Variants in EPHA6 observed in about 807,000 individuals in gnomAD.
EPHA6 encodes the protein EPH receptor A6, also known as ephrin type-A receptor 6.
In EPHA6, 50 loss-of-function variants were observed where a neutral mutation model predicts 112.0. The ratio of observed to expected loss-of-function variants is 0.45; its 90% CI spans 0.36 to 0.56. EPHA6 has a LOEUF of 0.56. Ranked by LOEUF, EPHA6 falls within the 20% of genes least tolerant of loss-of-function variation. EPHA6 has a pLI of 0.00. For missense variants in EPHA6, 1,280 were observed against 1,417.4 expected, an observed-to-expected ratio of 0.90 and a Z score of 1.56; for synonymous variants, 529 against 490.7, an observed-to-expected ratio of 1.08 and a Z score of -1.03.
chr3:97,534,334 C>T (rs1168888553), intron 11 of EPHA6, among the ~76,000 whole-genome samples: 1 of 152,012 alleles, frequency 6.6e-6, no homozygotes, highest in Non-Finnish European at 1.5e-5. Context: ...TCATTATCTA[C>T]ATTTTATGTA....
At chr3:97,080,314 A>C (rs1428752270) in intron 3 of EPHA6, among the ~76,000 whole-genome samples, 4 of 152,064 alleles carry the variant, frequency 2.6e-5, no homozygotes, top group Non-Finnish European at 5.9e-5. Context: ...GGAGGGAGTT[A>C]ATGGCAGGAT....
intron 11 of EPHA6, among the ~76,000 whole-genome samples, chr3:97,566,659 C>T (rs911157376): frequency 6.6e-6 from 1 of 152,142 alleles, no homozygotes; most frequent in African/African-American, 2.4e-5. Flanking sequence ...TGTTTTGGCT[C>T]TTGTCACTCA....
intron 3 of EPHA6, among the ~76,000 whole-genome samples, chr3:97,058,412 C>T (rs2045918573): frequency 1.3e-5 from 2 of 152,098 alleles, no homozygotes; most frequent in Admixed American, 6.6e-5. Flanking sequence ...ATTCTCCTGC[C>T]TCAGACTCTC....
At chr3:96,895,286 A>G (rs967558706) in intron 2 of EPHA6, among the ~76,000 whole-genome samples, 1 of 152,320 alleles carries the variant, frequency 6.6e-6, no homozygotes, top group Middle Eastern at 3.4e-3. Context: ...AAAAAAATAA[A>G]AAATAATAAA....
intron 5 of EPHA6, among the ~76,000 whole-genome samples, chr3:97,273,561 G>A (rs2079964744): frequency 6.6e-6 from 1 of 152,164 alleles, no homozygotes; most frequent in Non-Finnish European, 1.5e-5. Context: ...ATTCTGAGAA[G>A]GGAAAGTGGT....
At chr3:97,142,355 G>A (rs879485454) in intron 3 of EPHA6, among the ~76,000 whole-genome samples, 6 of 151,930 alleles carry the variant, frequency 3.9e-5, no homozygotes, top group Admixed American at 3.9e-4. Context: ...AGCACTGGCA[G>A]CAAGCTGTGC....
At chr3:97,252,673 G>A (rs2079177489) in intron 5 of EPHA6, among the ~76,000 whole-genome samples, 1 of 152,118 alleles carries the variant, frequency 6.6e-6, no homozygotes, top group Non-Finnish European at 1.5e-5. Context: ...CAGGGAGAAC[G>A]CATCCTGTGG....
chr3:97,188,084 G>T (rs1015925644), intron 3 of EPHA6, among the ~76,000 whole-genome samples: 5 of 152,074 alleles, frequency 3.3e-5, no homozygotes, highest in Non-Finnish European at 4.4e-5. Flanking sequence ...GTTTAGTAAA[G>T]CTGTGGAGTT....
intron 3 of EPHA6, among the ~76,000 whole-genome samples, chr3:97,076,120 T>G (rs6786234): frequency 0.041 from 6,222 of 152,098 alleles, 450 homozygotes; most frequent in African/African-American, 0.14. Flanking sequence ...TCTCTCACTT[T>G]AAATAAAAAG....
chr3:97,532,847 CAG>C (rs1705296871), intron 11 of EPHA6, among the ~76,000 whole-genome samples: 1 of 151,896 alleles, frequency 6.6e-6, no homozygotes, highest in Admixed American at 6.6e-5. Context: ...TCAATAGTAA[CAG>C]AACAAACACT....
chr3:97,701,344 C>T (rs2033375985), intron 14 of EPHA6, among the ~76,000 whole-genome samples: 1 of 152,058 alleles, frequency 6.6e-6, no homozygotes, highest in South Asian at 2.1e-4. Context: ...TAAGAAAGAG[C>T]TCAGTATTGG....
At chr3:97,436,703 T>C (rs1053222420) in intron 6 of EPHA6, among the ~76,000 whole-genome samples, 11 of 152,164 alleles carry the variant, frequency 7.2e-5, no homozygotes, top group Non-Finnish European at 1.2e-4. Context: ...CTAGTGAAAA[T>C]TTACCTTTCT....
At chr3:96,881,406 A>C (rs1056634551) in intron 2 of EPHA6, among the ~76,000 whole-genome samples, 5 of 152,144 alleles carry the variant, frequency 3.3e-5, no homozygotes, top group Non-Finnish European at 7.4e-5. Flanking sequence ...AGAGAAGCCA[A>C]AGCAGAAACC....
intron 5 of EPHA6, among the ~76,000 whole-genome samples, chr3:97,260,853 T>C (rs1272874236): frequency 1.3e-5 from 2 of 152,328 alleles, no homozygotes; most frequent in South Asian, 2.1e-4. Context: ...AATCCATAAA[T>C]GCCAGTCACA....
chr3:96,814,729 C>T lies in EPHA6; in HGVS notation c.106C>T (p.Pro36Ser), dbSNP rs769421710. 13 of 1,577,860 alleles carry T rather than the reference C, an allele frequency of 8.2e-6. No homozygotes were observed. The Admixed American group carries it at 1.1e-4, about 13-fold the overall frequency. The change falls in exon 1 of 18, where the codon CCT becomes TCT. Residue 36 changes from proline (P) to serine (S), a missense_variant. Physicochemically the swap from Pro to Ser is moderately conservative, Grantham distance 74. Coordinates refer to ENST00000389672, the MANE Select transcript of EPHA6 (RefSeq NM_001080448.3). ...PATGQPGPSCPVPGTSRRGRP... is the reference protein window; with the variant it reads ...PATGQPGPSCSVPGTSRRGRP... ...AACTGGGCAGCCTGGACCCTCGTGC[C>T]CTGTTCCCGGGACCTCGCGCAGGGG...
At chr3:96,955,532 A>G (rs930003642) in intron 2 of EPHA6, among the ~76,000 whole-genome samples, 3 of 152,168 alleles carry the variant, frequency 2.0e-5, no homozygotes, top group Non-Finnish European at 4.4e-5. Context: ...TCTGTTTAAT[A>G]TTTGTACTCT....
At chr3:97,277,575 A>G (rs1576828768) in intron 5 of EPHA6, among the ~76,000 whole-genome samples, 1 of 152,168 alleles carries the variant, frequency 6.6e-6, no homozygotes, top group South Asian at 2.1e-4. Context: ...CATATAGGTT[A>G]TATGGTATAA....
chr3:97,008,465 T>TA (rs1408774894), intron 3 of EPHA6, among the ~76,000 whole-genome samples: 1 of 152,152 alleles, frequency 6.6e-6, no homozygotes, highest in Non-Finnish European at 1.5e-5. Context: ...CAGGTTGTTT[T>TA]ATGTTCAAGC....
chr3:97,524,964 A>C (rs1030145694), intron 10 of EPHA6, among the ~76,000 whole-genome samples: 7 of 152,178 alleles, frequency 4.6e-5, no homozygotes, highest in African/African-American at 1.2e-4. Context: ...TAAGGCAGCA[A>C]GAATTTTGAG....
Sources: gnomAD v4.1 joint callset for allele counts (sites outside exome capture counted in the v4.1 genomes callset) on GRCh38, gnomAD v4.1.1 for gene constraint, MANE v1.5 for transcripts, NCBI Gene and HGNC (gene_info 2026-07-23, HGNC 2026-07-21) for gene names.